Variants in CFAP77 observed in about 807,000 individuals in gnomAD.
CFAP77 encodes cilia- and flagella-associated protein 77.
CFAP77 carries 25 observed loss-of-function variants against 31.1 expected under a neutral mutation model. The ratio of observed to expected loss-of-function variants is 0.80; its 90% CI spans 0.59 to 1.12. The LOEUF (loss-of-function observed/expected upper bound fraction) is 1.12. Ranked by LOEUF, CFAP77 falls within the 50% of genes most tolerant of loss-of-function variation. The pLI is 0.00. For missense variants in CFAP77, 377 were observed against 397.3 expected (o/e 0.95, Z 0.44); for synonymous variants, 151 against 159.9 (o/e 0.94, Z 0.42).
intron 3 of CFAP77, among the ~76,000 whole-genome samples, chr9:132,534,129 T>C (rs1852504840): frequency 6.6e-6 from 1 of 152,152 alleles, no homozygotes; most frequent in Non-Finnish European, 1.5e-5. Context: ...TATAAAGGGC[T>C]GGTCATTTGG....
Position 132,490,929 on chromosome 9 carries a change from G to A in CFAP77, c.196-7766G>A, listed in dbSNP as rs1366624179. Reference sequence around the variant, plus strand: ...TGTGGGTTTTTCTCCAGGCACTCTGGTTTCCTTCCACATCCCAGAGATGTG... The same window carrying A: ...TGTGGGTTTTTCTCCAGGCACTCTGATTTCCTTCCACATCCCAGAGATGTG... On this transcript the variant is annotated intron_variant, in intron 1 of 5. Transcript: ENST00000393216. This position sits in a 1 kb window ranked among gnomAD's most constrained non-coding sequence, Gnocchi z 4.6. 6.6e-6 allele frequency among the ~76,000 whole-genome samples: 1 copy of A among 152,154 alleles called. No individual in the cohort carries two copies. The highest frequency in any genetic ancestry group is 1.5e-5 in the Non-Finnish European group (1 of 68,036).
At chr9:132,419,912 G>A (rs370967013) in intron 1 of CFAP77, among the ~76,000 whole-genome samples, 19 of 152,238 alleles carry the variant, frequency 1.2e-4, no homozygotes, top group African/African-American at 4.3e-4. Context: ...TGTAATCCCA[G>A]TACTTTGGGA....
At chr9:132,482,223 A>T in intron 1 of CFAP77, 2 of 732,226 alleles carry the variant, frequency 2.7e-6, no homozygotes, top group Admixed American at 2.7e-5. Context: ...CCTTTTTCTT[A>T]AATCTGCTCA....
chr9:132,439,521 C>T (rs1850577248), intron 1 of CFAP77, among the ~76,000 whole-genome samples: 1 of 152,064 alleles, frequency 6.6e-6, no homozygotes, highest in Admixed American at 6.6e-5. Flanking sequence ...AAATCAGCTG[C>T]TGTTATAGTT....
chr9:132,520,168 G>T (rs1194078598), intron 3 of CFAP77, among the ~76,000 whole-genome samples: 1 of 150,496 alleles, frequency 6.6e-6, no homozygotes, highest in Non-Finnish European at 1.5e-5. Flanking sequence ...ACCATCTCTA[G>T]TACATTCATA....
chr9:132,533,000 T>C (rs1184007160), intron 3 of CFAP77, among the ~76,000 whole-genome samples: 1 of 152,208 alleles, frequency 6.6e-6, no homozygotes, highest in Admixed American at 6.5e-5. Flanking sequence ...GATGAAAGTC[T>C]TTACATAGCT....
intron 3 of CFAP77, among the ~76,000 whole-genome samples, chr9:132,523,439 T>G (rs78609233): frequency 6.6e-6 from 1 of 152,246 alleles, no homozygotes; most frequent in African/African-American, 2.4e-5. Context: ...ACCTGTACTG[T>G]ATGTCTCCTC....
chr9:132,420,255 C>T (rs1850188833), intron 1 of CFAP77, among the ~76,000 whole-genome samples: 1 of 151,388 alleles, frequency 6.6e-6, no homozygotes, highest in Non-Finnish European at 1.5e-5. Flanking sequence ...TTCCAGGCAG[C>T]GCAGACGGCT....
chr9:132,447,860 C>T (rs1359673095), intron 1 of CFAP77, among the ~76,000 whole-genome samples: 2 of 152,170 alleles, frequency 1.3e-5, no homozygotes, highest in Non-Finnish European at 2.9e-5. Flanking sequence ...ACCCAACATT[C>T]AAAGGATATC....
In CFAP77 at chr9:132,539,493, C is replaced by A. The variant is rs906688177; in HGVS notation, c.630+1787C>A. On this transcript the variant is annotated intron_variant, in intron 4 of 5. Transcript: ENST00000393216. This position sits in a 1 kb window ranked among gnomAD's most constrained non-coding sequence, Gnocchi z 4.3. ...CAGTGTCAGACCTAGGTGTGTCCAG[C>A]CTGAGAGTCCAGGCTCTTCCTGAAG... Among the ~76,000 whole-genome samples, 1 of 152,292 alleles carries A rather than the reference C, an allele frequency of 6.6e-6. No homozygotes were observed. Among genetic ancestry groups the A allele is most frequent in the Non-Finnish European group, 1.5e-5 (1 of 68,018 alleles).
chr9:132,413,476 T>G (rs1412325632), intron 1 of CFAP77, among the ~76,000 whole-genome samples: 1 of 152,250 alleles, frequency 6.6e-6, no homozygotes, highest in Non-Finnish European at 1.5e-5. Context: ...TAGACAGTGA[T>G]GTGCAGTTAG....
intron 1 of CFAP77, among the ~76,000 whole-genome samples, chr9:132,417,188 C>G (rs572339674): frequency 6.6e-6 from 1 of 150,524 alleles, no homozygotes; most frequent in Non-Finnish European, 1.5e-5. Context: ...AATCTTGGCT[C>G]ACTGCAACGT....
intron 5 of CFAP77, among the ~76,000 whole-genome samples, chr9:132,559,652 G>A (rs533837761): frequency 8.5e-5 from 13 of 152,236 alleles, no homozygotes; most frequent in African/African-American, 2.6e-4. Context: ...TAGAGCTCCC[G>A]TATCACCCAG....
intron 3 of CFAP77, among the ~76,000 whole-genome samples, chr9:132,530,970 TTTG>T (rs1464100587): frequency 2.6e-4 from 40 of 152,244 alleles, no homozygotes; most frequent in African/African-American, 9.1e-4. Flanking sequence ...TTAGGTTGAG[TTTG>T]TTATGTTTGT....
chr9:132,440,987 C>T (rs1250719182), intron 1 of CFAP77, among the ~76,000 whole-genome samples: 1 of 152,172 alleles, frequency 6.6e-6, no homozygotes, highest in Non-Finnish European at 1.5e-5. Context: ...GACAGTCTAG[C>T]CTCCTTGATT....
intron 3 of CFAP77, among the ~76,000 whole-genome samples, chr9:132,521,195 T>C (rs1316597317): frequency 6.6e-6 from 1 of 152,170 alleles, no homozygotes; most frequent in Middle Eastern, 3.2e-3. Flanking sequence ...ACTTAATGGC[T>C]GATCTTCCCA....
intron 1 of CFAP77, among the ~76,000 whole-genome samples, chr9:132,486,913 C>A (rs1851570730): frequency 6.6e-6 from 1 of 152,246 alleles, no homozygotes; most frequent in Non-Finnish European, 1.5e-5. Flanking sequence ...ATACATCAGC[C>A]GCCAGAACAG....
At chr9:132,492,214 G>A (rs894703016) in intron 1 of CFAP77, among the ~76,000 whole-genome samples, 1 of 152,128 alleles carries the variant, frequency 6.6e-6, no homozygotes. Flanking sequence ...CTTGAGCCTG[G>A]AATGTCGAGG....
At chr9:132,453,599 A>G (rs2131716740) in intron 1 of CFAP77, among the ~76,000 whole-genome samples, 1 of 152,354 alleles carries the variant, frequency 6.6e-6, no homozygotes, top group East Asian at 1.9e-4. Context: ...GTTGGTTCCA[A>G]TTGAAGCCAA....
Sources: allele counts gnomAD v4.1 joint callset (sites outside exome capture counted in the v4.1 genomes callset), GRCh38; gene constraint gnomAD v4.1.1; non-coding constraint Gnocchi (gnomAD v3.1); transcripts MANE v1.5; gene names NCBI Gene and HGNC (gene_info 2026-07-23, HGNC 2026-07-21).